The following FAM216B variants were observed in gnomAD, a reference collection of about 807,000 sequenced individuals.
The protein encoded by FAM216B is family with sequence similarity 216 member B, also known as protein FAM216B.
In FAM216B, 11 loss-of-function variants were observed where a neutral mutation model predicts 12.9. The ratio of observed to expected loss-of-function variants is 0.86; its 90% CI spans 0.54 to 1.42. FAM216B has a LOEUF of 1.42. Among genes scored for constraint, FAM216B ranks in the 40% most tolerant of loss-of-function variants. The probability of loss-of-function intolerance (pLI) is 0.00; values close to 1 mark genes in which losing one functional copy is unlikely to be tolerated. For missense variants in FAM216B, 167 were observed against 162.9 expected (o/e 1.02, Z -0.14); for synonymous variants, 52 against 57.2 (o/e 0.91, Z 0.41).
chr13:42,788,622 T>A lies in FAM216B; in HGVS notation c.252T>A (p.Tyr84Ter), dbSNP rs760697892. 1 of 1,613,888 alleles carries A rather than the reference T, an allele frequency of 6.2e-7. No individual in the cohort carries two copies. Among genetic ancestry groups the A allele is most frequent in the South Asian group, 1.1e-5 (1 of 91,058 alleles). Residue 84 changes from tyrosine to a stop codon, truncating the protein, a stop_gained, in exon 4 of 4, where the codon TAT becomes TAA. Coordinates refer to ENST00000313851, the MANE Select transcript of FAM216B (RefSeq NM_001318932.2). LOFTEE classifies it low-confidence loss of function (END_TRUNC). ...TTACTCAACGGGAAGCCTTGTCTTA[T>A]GCTCTTGTACTTAGAGATTCAACCA... is the stretch of plus-strand genomic sequence containing the variant. ...GYITQREALS[Y>*]ALVLRDSTKR...
rs1266165994 is a variant in FAM216B at position 42,789,706 on chromosome 13, C to G, written c.*916C>G. 1 of 150,908 alleles carries G rather than the reference C, an allele frequency of 6.6e-6. No individual in the cohort carries two copies. The highest frequency in any genetic ancestry group is 1.5e-5 in the Non-Finnish European group (1 of 67,740). 9.3% of individuals were successfully genotyped at this position (150,908 alleles called of 1,614,324 possible). ...CACCAGTGCTCATGTAAAGTCAAAACAAAAAAATGCTTCTTCCTCATCATT... is the reference window on the plus strand; with the variant it reads ...CACCAGTGCTCATGTAAAGTCAAAAGAAAAAAATGCTTCTTCCTCATCATT... On this transcript the variant is annotated 3_prime_UTR_variant, in exon 4 of 4. Coordinates refer to ENST00000313851, the MANE Select transcript of FAM216B (RefSeq NM_001318932.2).
intron 1 of FAM216B, among the ~76,000 whole-genome samples, chr13:42,782,663 T>G (rs537792258): frequency 1.2e-4 from 19 of 152,318 alleles, no homozygotes; most frequent in Admixed American, 3.9e-4. Context: ...TATTCCAATA[T>G]GTCTATTCTT....
At chr13:42,785,137 A>T (rs1057210118) in intron 2 of FAM216B, among the ~76,000 whole-genome samples, 6 of 152,210 alleles carry the variant, frequency 3.9e-5, no homozygotes, top group Non-Finnish European at 8.8e-5. Context: ...AGGCAAAATT[A>T]GTTATTCAGG....
At chr13:42,782,961 TCTCCC>T in intron 1 of FAM216B, among the ~76,000 whole-genome samples, 1 of 151,748 alleles carries the variant, frequency 6.6e-6, no homozygotes, top group South Asian at 2.1e-4. Context: ...TAAATTATGA[TCTCCC>T]TTTTCTAAAA....
intron 2 of FAM216B, among the ~76,000 whole-genome samples, chr13:42,784,468 GT>G (rs1028429841): frequency 1.3e-5 from 2 of 151,700 alleles, no homozygotes; most frequent in African/African-American, 4.8e-5. Context: ...TTGGAGAGCT[GT>G]TAGTTCCTTT....
chr13:42,784,786 A>G (rs1874017056), intron 2 of FAM216B, among the ~76,000 whole-genome samples: 1 of 151,504 alleles, frequency 6.6e-6, no homozygotes, highest in African/African-American at 2.4e-5. Context: ...GTGAGCCGAG[A>G]TCGCGCCACT....
intron 2 of FAM216B, among the ~76,000 whole-genome samples, chr13:42,785,224 A>T (rs1217380375): frequency 1.3e-5 from 2 of 152,166 alleles, no homozygotes; most frequent in East Asian, 3.8e-4. Flanking sequence ...TAATGTCTCA[A>T]ATTATGAAGT....
At chr13:42,783,287 G>A (rs530425121) in intron 1 of FAM216B, among the ~76,000 whole-genome samples, 2 of 152,334 alleles carry the variant, frequency 1.3e-5, no homozygotes, top group Non-Finnish European at 2.9e-5. Context: ...CAGCCTGGAT[G>A]ATAGAGTGAG....
rs867753271 is a variant in FAM216B at position 42,784,123 on chromosome 13, T to C, written c.56T>C (p.Phe19Ser). The C allele has an allele frequency of 6.2e-7, 1 of 1,610,232 alleles. No individual in the cohort carries two copies. Among genetic ancestry groups the C allele is most frequent in the Admixed American group, 1.7e-5 (1 of 59,600 alleles). Residue 19 changes from phenylalanine to serine, a missense_variant, in exon 2 of 4, where the codon TTT (phenylalanine) becomes TCT (serine). Coordinates refer to ENST00000313851, the MANE Select transcript of FAM216B (RefSeq NM_001318932.2). ...CTTTGGAATGTTCCACAACTTCCTTTTATTCGAGTTCCTCCCTCCATCTAT... is the reference window on the plus strand; with the variant it reads ...CTTTGGAATGTTCCACAACTTCCTTCTATTCGAGTTCCTCCCTCCATCTAT... ...QKLWNVPQLP[F>S]IRVPPSIYDT...
chr13:42,784,246 G>C, intron 2 of FAM216B, 80 bp downstream of exon 2: 1 of 970,460 alleles, frequency 1.0e-6, no homozygotes, highest in South Asian at 1.8e-5. Flanking sequence ...GACTTTTTCT[G>C]CTGTCTTTGT....
intron 3 of FAM216B, 48 bp from the exon 4 acceptor site, chr13:42,788,543 C>A: frequency 1.4e-6 from 2 of 1,478,296 alleles, no homozygotes; most frequent in East Asian, 2.3e-5. Context: ...TTCTTATTTG[C>A]CTTGTAAAAT....
At position 42,790,466 on chromosome 13, in the gene FAM216B, G is replaced by A. The variant is rs1328081447; in HGVS notation, c.*1676G>A. On this transcript the variant is annotated 3_prime_UTR_variant, in exon 4 of 4. Transcript: ENST00000313851. ...AGCACCTTGCATCTGATAGAGGCTTGTAAGAGCAGATTGACAGGTGAATGT... is the reference window on the plus strand; with the variant it reads ...AGCACCTTGCATCTGATAGAGGCTTATAAGAGCAGATTGACAGGTGAATGT... The A allele has an allele frequency of 1.3e-5, 2 of 152,148 alleles. No individual in the cohort carries two copies. The highest frequency in any genetic ancestry group is 2.9e-5 in the Non-Finnish European group (2 of 68,036). The allele number at this position is 152,148 out of a possible 1,614,324, so 9.4% of individuals were successfully genotyped here. A position where few individuals can be genotyped will look rare whatever the true frequency, so the allele number is the denominator to read the frequency against.
rs959029344 is a variant in FAM216B at position 42,786,847 on chromosome 13, C to A, written c.184C>A (p.Arg62Ser). ...GCCCCAGTGGGAGGCCCTGCAGACC[C>A]GCTACATTCACAGCCTTCAGCACCA... ...SRPQWEALQTRYIHSLQHQQL... is the reference protein window; with the variant it reads ...SRPQWEALQTSYIHSLQHQQL... Residue 62 changes from arginine to serine, a missense_variant, in exon 3 of 4, where the codon CGC becomes AGC. Arg to Ser is a moderately radical substitution (Grantham distance 110, BLOSUM62 -1). Transcript: ENST00000313851. The A allele has an allele frequency of 1.2e-6, 2 of 1,613,986 alleles. No individual in the cohort carries two copies. Among genetic ancestry groups the A allele is most frequent in the Non-Finnish European group, 1.7e-6 (2 of 1,179,936 alleles).
At position 42,784,007 on chromosome 13, in the gene FAM216B, G is replaced by T. The variant is rs569359450; in HGVS notation, c.-14-47G>T. ...TTTACTTAAGTACATCCCCAAAATT[G>T]GTTGAGCTAAAAGAAATTTTATGCT... is the stretch of plus-strand genomic sequence containing the variant. On this transcript the variant is annotated intron_variant, in intron 1 of 3. Coordinates refer to ENST00000313851, the MANE Select transcript of FAM216B (RefSeq NM_001318932.2). 5.5e-6 allele frequency: 7 copies of T among 1,276,970 alleles called. No homozygotes were observed. In the African/African-American group the frequency reaches 6.0e-5, roughly 11 times the overall value. The allele number at this position is 1,276,970 out of a possible 1,614,324, so 79.1% of individuals were successfully genotyped here.
At chr13:42,786,636 TA>T (rs57301416) in intron 2 of FAM216B, 126 bp from the exon 3 acceptor site, 12,006 of 1,047,292 alleles carry the variant, frequency 0.011, no homozygotes, top group South Asian at 0.017. Flanking sequence ...TGTTGCACAT[TA>T]AAAAAAAAAA....
chr13:42,782,854 G>A (rs140948324), intron 1 of FAM216B, among the ~76,000 whole-genome samples: 2,152 of 152,158 alleles, frequency 0.014, 50 homozygotes, highest in African/African-American at 0.05. Flanking sequence ...CATCTAAATT[G>A]CAAGAAGTGG....
At chr13:42,783,602 G>C (rs907524241) in intron 1 of FAM216B, among the ~76,000 whole-genome samples, 1 of 151,980 alleles carries the variant, frequency 6.6e-6, no homozygotes. Context: ...TGGGCTTTTA[G>C]ATTTGGGATG....
chr13:42,790,525 T>C lies in FAM216B; in HGVS notation c.*1735T>C, dbSNP rs947237167. The C allele has an allele frequency of 1.3e-5, 2 of 152,078 alleles. No homozygotes were observed. The highest frequency in any genetic ancestry group is 4.8e-5 in the African/African-American group (2 of 41,406). 9.4% of individuals were successfully genotyped at this position (152,078 alleles called of 1,614,324 possible). ...CATAAGAAGGACAAATAGATCTAAG[T>C]TGGGCAAAAGATTCTATTTGTTGGT... On this transcript the variant is annotated 3_prime_UTR_variant, in exon 4 of 4. Coordinates refer to ENST00000313851, the MANE Select transcript of FAM216B (RefSeq NM_001318932.2).
At chr13:42,782,324 G>A (rs1287365500) in intron 1 of FAM216B, among the ~76,000 whole-genome samples, 3 of 152,160 alleles carry the variant, frequency 2.0e-5, no homozygotes, top group Non-Finnish European at 4.4e-5. Context: ...TAAAGTGAGA[G>A]CATTCTATAT....
Sources: allele counts gnomAD v4.1 joint callset (sites outside exome capture counted in the v4.1 genomes callset), GRCh38; gene constraint gnomAD v4.1.1; transcripts MANE v1.5; gene names NCBI Gene and HGNC (gene_info 2026-07-23, HGNC 2026-07-21).